Variants in GUCY2D observed in about 807,000 individuals in gnomAD.
The protein encoded by GUCY2D is retinal guanylyl cyclase 1.
In GUCY2D, 70 loss-of-function variants were observed where a neutral mutation model predicts 101.3. That is an observed-to-expected ratio of 0.69 (90% CI 0.57 to 0.84). The LOEUF is 0.84. Among genes scored for constraint, GUCY2D ranks in the 40% least tolerant of loss-of-function variants. GUCY2D has a pLI of 0.00. For synonymous variants in GUCY2D, 688 were observed against 670.7 expected (o/e 1.03, Z -0.40); for missense variants, 1,460 against 1,542.5 (o/e 0.95, Z 0.90).
Position 8,013,005 on chromosome 17 carries a change from A to T in GUCY2D, c.2114-98A>T. The T allele has an allele frequency of 1.8e-6, 2 of 1,107,970 alleles. No homozygotes were observed. Among genetic ancestry groups the T allele is most frequent in the Non-Finnish European group, 2.7e-6 (2 of 753,758 alleles). The allele number at this position is 1,107,970 out of a possible 1,614,324, so 68.6% of individuals were successfully genotyped here. On this transcript the variant is annotated intron_variant, in intron 10 of 19. Coordinates refer to ENST00000254854, the MANE Select transcript of GUCY2D (RefSeq NM_000180.4). This position sits in a 1 kb window ranked among gnomAD's most constrained non-coding sequence, Gnocchi z 5.0. The stretch of plus-strand genomic sequence containing the variant: ...GGTTGCAGGGTCTCAGACCGGTCTC[A>T]GGCTGCAGGGTTGGTGGTGTCTGGG...
In GUCY2D at chr17:8,003,219, G is replaced by A; in HGVS notation, c.172G>A (p.Val58Ile). 2 of 1,520,712 alleles carry A rather than the reference G, an allele frequency of 1.3e-6. No homozygotes were observed. Among genetic ancestry groups the A allele is most frequent in the Non-Finnish European group, 1.8e-6 (2 of 1,139,376 alleles). The allele number at this position is 1,520,712 out of a possible 1,614,324, so 94.2% of individuals were successfully genotyped here. A position where few individuals can be genotyped will look rare whatever the true frequency, so the allele number is the denominator to read the frequency against. ...CCTCTCCGCCGTGTTCACGGTGGGG[G>A]TCCTGGGCCCCTGGGCTTGCGACCC... is the stretch of plus-strand genomic sequence containing the variant. The part of the protein sequence containing the change: ...PALSAVFTVG[V>I]LGPWACDPIF... Residue 58 changes from valine (V) to isoleucine (I), a missense_variant, in exon 2 of 20, where the codon GTC (valine) becomes ATC (isoleucine). Transcript: ENST00000254854.
At position 8,014,491 on chromosome 17, in the gene GUCY2D, G is replaced by A; in HGVS notation, c.2413-110G>A. 5.1e-6 allele frequency: 5 copies of A among 984,330 alleles called. No homozygotes were observed. The highest frequency in any genetic ancestry group is 6.5e-6 in the Non-Finnish European group (4 of 614,046). 61.0% of individuals were successfully genotyped at this position (984,330 alleles called of 1,614,324 possible). A position where few individuals can be genotyped will look rare whatever the true frequency, so the allele number is the denominator to read the frequency against. ...GAATAGTAGATGAATGGTGGCAGCGGGGTTGGGGTTCAGAGTGAACAGCCC... is the reference window on the plus strand; with the variant it reads ...GAATAGTAGATGAATGGTGGCAGCGAGGTTGGGGTTCAGAGTGAACAGCCC... On this transcript the variant is annotated intron_variant, in intron 12 of 19. Transcript: ENST00000254854. This position sits in a 1 kb window ranked among gnomAD's most constrained non-coding sequence, Gnocchi z 4.0.
In GUCY2D at chr17:8,014,771, G is replaced by A; in HGVS notation, c.2576+7G>A. 1.4e-6 allele frequency: 1 copy of A among 709,740 alleles called. No individual in the cohort carries two copies. The highest frequency in any genetic ancestry group is 2.4e-6 in the Non-Finnish European group (1 of 408,244). The allele number at this position is 709,740 out of a possible 1,614,324, so 44.0% of individuals were successfully genotyped here. ...TTACACAGATGCTGCCTCCGTGGGT[G>A]CCAGTGGGAAGGGGTGGGCTGGGAG... On this transcript the variant is annotated splice_region_variant and intron_variant, in intron 13 of 19. Transcript: ENST00000254854. The surrounding 1 kb of genome is among the most constrained non-coding windows in gnomAD (Gnocchi z 4.0).
chr17:8,013,300 G>C lies in GUCY2D; in HGVS notation c.2263+48G>C, dbSNP rs370350737. On this transcript the variant is annotated intron_variant, in intron 11 of 19. Transcript: ENST00000254854. This position sits in a 1 kb window ranked among gnomAD's most constrained non-coding sequence, Gnocchi z 5.0. ...GTTCGGCCCACAGGGGCACCCTGCA[G>C]TTAGAAAAGAGCCAGCCTCACTCTT... The C allele has an allele frequency of 1.3e-6, 2 of 1,587,218 alleles. No individual in the cohort carries two copies. The highest frequency in any genetic ancestry group is 1.1e-5 in the South Asian group (1 of 90,000).
chr17:8,014,514 C>A lies in GUCY2D; in HGVS notation c.2413-87C>A. On this transcript the variant is annotated intron_variant, in intron 12 of 19. Coordinates refer to ENST00000254854, the MANE Select transcript of GUCY2D (RefSeq NM_000180.4). This position sits in a 1 kb window ranked among gnomAD's most constrained non-coding sequence, Gnocchi z 4.0. ...CGGGGTTGGGGTTCAGAGTGAACAG[C>A]CCCATGAGAGGGCCCATGAGGGGGG... The A allele has an allele frequency of 2.4e-6, 3 of 1,249,924 alleles. No homozygotes were observed. The highest frequency in any genetic ancestry group is 2.2e-4 in the Middle Eastern group (1 of 4,448). The allele number at this position is 1,249,924 out of a possible 1,614,324, so 77.4% of individuals were successfully genotyped here.
At position 8,005,421 on chromosome 17, in the gene GUCY2D, G is replaced by A. The variant is rs77752392; in HGVS notation, c.1027-942G>A. On this transcript the variant is annotated intron_variant, in intron 3 of 19. Coordinates refer to ENST00000254854, the MANE Select transcript of GUCY2D (RefSeq NM_000180.4). ...GGATAGATGCAGGCCTCTCCACATG[G>A]CTTACCAGGTCACCTGTCTTTCTCT... Among the ~76,000 whole-genome samples the A allele has an allele frequency of 3.6e-3, 551 of 152,230 alleles. 3 individuals carry two copies. Among genetic ancestry groups the A allele is most frequent in the Middle Eastern group, 0.014 (4 of 294 alleles).
In GUCY2D at chr17:8,003,185, G is replaced by T; in HGVS notation, c.138G>T (p.Gln46His). The T allele has an allele frequency of 6.6e-7, 1 of 1,513,858 alleles. No homozygotes were observed. Among genetic ancestry groups the T allele is most frequent in the African/African-American group, 1.4e-5 (1 of 69,450 alleles). The allele number at this position is 1,513,858 out of a possible 1,614,324, so 93.8% of individuals were successfully genotyped here. The change falls in exon 2 of 20, where the codon CAG (glutamine) becomes CAT (histidine). Residue 46 changes from glutamine to histidine, a missense_variant. Around this residue, in one of 3 missense-constraint regions of GUCY2D, gnomAD observed 1,196 missense variants for 1,229.6 expected, o/e 0.97. Transcript: ENST00000254854. ...TCCTGCTGCTCCTGCTTCTGCTGCA[G>T]CCCCCCGCCCTCTCCGCCGTGTTCA... ...LPLLLLLLLLQPPALSAVFTV... is the reference protein window; with the variant it reads ...LPLLLLLLLLHPPALSAVFTV...
At chr17:8,010,597 G>A (rs1464734040) in intron 8 of GUCY2D, among the ~76,000 whole-genome samples, 2 of 151,826 alleles carry the variant, frequency 1.3e-5, no homozygotes, top group East Asian at 3.9e-4. Context: ...ACGAGGTCAG[G>A]AGATCGAGAC....
chr17:8,019,395 G>C (rs1976032698), intron 19 of GUCY2D, among the ~76,000 whole-genome samples: 1 of 152,222 alleles, frequency 6.6e-6, no homozygotes, highest in Admixed American at 6.5e-5. Context: ...AGAGGCGGAT[G>C]AGCCAGAGGG....
At position 8,004,017 on chromosome 17, in the gene GUCY2D, C is replaced by A. The variant is rs374679518; in HGVS notation, c.887C>A (p.Ala296Asp). The A allele has an allele frequency of 1.3e-5, 21 of 1,612,622 alleles. No homozygotes were observed. The African/African-American group carries it at 2.7e-4, about 20-fold the overall frequency. ...GGCCCGGAGGCCTTGGCCGCACTCGCCAACAGCTCCCAGCTTCGCAGGGCC... is the reference window on the plus strand; with the variant it reads ...GGCCCGGAGGCCTTGGCCGCACTCGACAACAGCTCCCAGCTTCGCAGGGCC... ...SPGPEALAAL[A>D]NSSQLRRAHD... The change falls in exon 3 of 20, where the codon GCC (alanine) becomes GAC (aspartate). Residue 296 changes from alanine to aspartate, a missense_variant. By Grantham distance (126) the Ala-to-Asp change is moderately radical. This residue lies in a region of GUCY2D where 1,196 missense variants were observed against 1,229.6 expected (regional missense o/e 0.97). Transcript: ENST00000254854.
chr17:8,002,913 G>A lies in GUCY2D; in HGVS notation c.-9-126G>A. 1.4e-6 allele frequency: 1 copy of A among 700,822 alleles called. No homozygotes were observed. The highest frequency in any genetic ancestry group is 2.3e-6 in the Non-Finnish European group (1 of 443,384). 43.4% of individuals were successfully genotyped at this position (700,822 alleles called of 1,614,324 possible). A position where few individuals can be genotyped will look rare whatever the true frequency, so the allele number is the denominator to read the frequency against. On this transcript the variant is annotated intron_variant, in intron 1 of 19. Transcript: ENST00000254854. The surrounding 1 kb of genome is among the most constrained non-coding windows in gnomAD (Gnocchi z 4.9). ...GCCCCAGTTAGTCTTCCCAGCCTCC[G>A]GAGGGGGCGGTAGCAGCAGAATCAT...
rs1567959544 is a variant in GUCY2D, at chr17:8,009,596, G to A, written c.1749+10G>A. The A allele has an allele frequency of 1.3e-6, 2 of 1,594,492 alleles. No homozygotes were observed. The highest frequency in any genetic ancestry group is 1.7e-6 in the Non-Finnish European group (2 of 1,162,124). ...GACGGCCTTCTCCAAGGTGAGACTT[G>A]GGCCTGTGATGGGGCCTAGGTGGCC... On this transcript the variant is annotated intron_variant, in intron 8 of 19. Coordinates refer to ENST00000254854, the MANE Select transcript of GUCY2D (RefSeq NM_000180.4).
In GUCY2D at chr17:8,013,012, AGGGTTGGTGGTGTCT is replaced by A. The variant is rs1212547064; in HGVS notation, c.2114-86_2114-72del. 3 of 1,177,574 alleles carry A rather than the reference AGGGTTGGTGGTGTCT, an allele frequency of 2.5e-6. No homozygotes were observed. Among genetic ancestry groups the A allele is most frequent in the Non-Finnish European group, 2.5e-6 (2 of 811,600 alleles). The allele number at this position is 1,177,574 out of a possible 1,614,324, so 72.9% of individuals were successfully genotyped here. The stretch of plus-strand genomic sequence containing the variant: ...GGGTCTCAGACCGGTCTCAGGCTGC[AGGGTTGGTGGTGTCT>A]GGGTGCCAACCTGGGCTTTCTGGTG... On this transcript the variant is annotated intron_variant, in intron 10 of 19. Coordinates refer to ENST00000254854, the MANE Select transcript of GUCY2D (RefSeq NM_000180.4). This position sits in a 1 kb window ranked among gnomAD's most constrained non-coding sequence, Gnocchi z 5.0.
At chr17:8,016,091 G>T in intron 17 of GUCY2D, 70 bp downstream of exon 17, 1 of 1,431,304 alleles carries the variant, frequency 7.0e-7, no homozygotes. Context: ...CCGGGCCGCG[G>T]CTGCAAACCT....
chr17:8,014,352 C>G lies in GUCY2D; in HGVS notation c.2413-249C>G. The G allele has an allele frequency of 3.3e-6, 2 of 611,222 alleles. No homozygotes were observed. Among genetic ancestry groups the G allele is most frequent in the East Asian group, 5.6e-5 (2 of 35,578 alleles). 37.9% of individuals were successfully genotyped at this position (611,222 alleles called of 1,614,324 possible). A position where few individuals can be genotyped will look rare whatever the true frequency, so the allele number is the denominator to read the frequency against. ...TGGGAGCCCAACGATTGGGCTGGCT[C>G]CAGTGCCCTGTCAATTACTAGCTGA... is the stretch of plus-strand genomic sequence containing the variant. On this transcript the variant is annotated intron_variant, in intron 12 of 19. Transcript: ENST00000254854. This position sits in a 1 kb window ranked among gnomAD's most constrained non-coding sequence, Gnocchi z 4.0.
intron 18 of GUCY2D, 71 bp downstream of exon 18, chr17:8,016,361 C>G: frequency 7.0e-7 from 1 of 1,434,170 alleles, no homozygotes; most frequent in South Asian, 1.2e-5. Context: ...TCTGACCCCC[C>G]GCGCGCGAGG....
At position 8,015,014 on chromosome 17, in the gene GUCY2D, T is replaced by A; in HGVS notation, c.2732T>A (p.Leu911His). The A allele has an allele frequency of 2.5e-6, 4 of 1,614,044 alleles. No individual in the cohort carries two copies. The highest frequency in any genetic ancestry group is 3.4e-6 in the Non-Finnish European group (4 of 1,179,992). ...GACCTGCTCAACGATCTCTACACACTCTTTGATGCCATCATTGGTTCCCAC... is the reference window on the plus strand; with the variant it reads ...GACCTGCTCAACGATCTCTACACACACTTTGATGCCATCATTGGTTCCCAC... ...VVDLLNDLYT[L>H]FDAIIGSHDV... Residue 911 changes from leucine (L) to histidine (H), a missense_variant, in exon 14 of 20, where the codon CTC becomes CAC. This residue lies in a region of GUCY2D where 49 missense variants were observed against 85.0 expected (regional missense o/e 0.58). Coordinates refer to ENST00000254854, the MANE Select transcript of GUCY2D (RefSeq NM_000180.4).
Position 8,003,486 on chromosome 17 carries a change from C to T in GUCY2D, c.439C>T (p.Leu147=). 6.5e-7 allele frequency: 1 copy of T among 1,527,910 alleles called. No homozygotes were observed. The highest frequency in any genetic ancestry group is 1.2e-5 in the South Asian group (1 of 83,618). 94.6% of individuals were successfully genotyped at this position (1,527,910 alleles called of 1,614,324 possible). A position where few individuals can be genotyped will look rare whatever the true frequency, so the allele number is the denominator to read the frequency against. Reference sequence around the variant, plus strand: ...GCTCGCCGAAGAAGCCGGGATCGCGCTGGTGCCCTGGGGCTGCCCCTGGAC... The same window carrying T: ...GCTCGCCGAAGAAGCCGGGATCGCGTTGGTGCCCTGGGGCTGCCCCTGGAC... The part of the protein sequence containing the change: ...ELLAEEAGIA[L]VPWGCPWTQA... Residue 147 remains leucine (L), a synonymous_variant, in exon 2 of 20, where the codon CTG becomes TTG. Coordinates refer to ENST00000254854, the MANE Select transcript of GUCY2D (RefSeq NM_000180.4).
rs757720386 is a variant in GUCY2D, at chr17:8,015,847, T to TGTGACGGGGAC, written c.3043+7_3043+17dup. ...CATGGAGTCCACCGGGCTGCGTGAGTGTGACGGGGACAAGACGGGGAGGTG... is the reference window on the plus strand; with the variant it reads ...CATGGAGTCCACCGGGCTGCGTGAGTGTGACGGGGACGTGACGGGGACAAGACGGGGAGGTG... On this transcript the variant is annotated splice_region_variant and intron_variant, in intron 16 of 19. Transcript: ENST00000254854. 5.0e-6 allele frequency: 8 copies of TGTGACGGGGAC among 1,610,252 alleles called. 1 individual carries two copies. The South Asian group carries it at 8.8e-5, about 18-fold the overall frequency.
Sources: allele counts gnomAD v4.1 joint callset (sites outside exome capture counted in the v4.1 genomes callset), GRCh38; gene constraint gnomAD v4.1.1; regional missense constraint gnomAD v4.1.1; non-coding constraint Gnocchi (gnomAD v3.1); transcripts MANE v1.5; gene names NCBI Gene and HGNC (gene_info 2026-07-23, HGNC 2026-07-21).